TARBP1: variants seen among roughly 807,000 people sequenced by gnomAD.
The protein encoded by TARBP1 is tRNA guanosine 2 -O-methyltransferase TARBP1.
TARBP1 carries 144 observed loss-of-function variants against 178.6 expected under a neutral mutation model. The observed-to-expected ratio is 0.81, with a 90% confidence interval of 0.70 to 0.93. The LOEUF is 0.93. TARBP1 is among the 40% of genes least tolerant of loss of function. TARBP1 has a pLI of 0.00. For synonymous variants in TARBP1, 787 were observed against 781.0 expected, an observed-to-expected ratio of 1.01 and a Z score of -0.13; for missense variants, 2,067 against 2,011.7, an observed-to-expected ratio of 1.03 and a Z score of -0.53.
In TARBP1 at chr1:234,472,830, G is replaced by T. The variant is rs1466561269; in HGVS notation, c.932-19C>A. The stretch of plus-strand genomic sequence containing the variant: ...CTTGGGCCTGATATGGTTTAAAAAA[G>T]AAAATTAGTTCTTCCTTTTGCAAAT... On this transcript the variant is annotated intron_variant, in intron 1 of 29. Transcript: ENST00000040877. 2 of 1,553,232 alleles carry T rather than the reference G, an allele frequency of 1.3e-6. No individual in the cohort carries two copies. Among genetic ancestry groups the T allele is most frequent in the East Asian group, 4.6e-5 (2 of 43,752 alleles).
In TARBP1 at chr1:234,450,442, G is replaced by T; in HGVS notation, c.1847C>A (p.Ser616Ter). 1 of 1,583,918 alleles carries T rather than the reference G, an allele frequency of 6.3e-7. No homozygotes were observed. The highest frequency in any genetic ancestry group is 1.2e-5 in the South Asian group (1 of 84,204). ...TGCAGACTTACTTTCCCAAGCAGAT[G>T]ACTTAACATACTCTTGAACAATGCT... Reference protein sequence around the residue: ...VKSIVQEYVKSSAWETGENCF... With the variant: ...VKSIVQEYVK Residue 616 changes from serine (S) to a stop codon, truncating the protein, a stop_gained, in exon 10 of 30, where the codon TCA becomes TAA. Transcript: ENST00000040877. LOFTEE classifies it high-confidence loss of function.
chr1:234,440,411 T>G (rs755183166), intron 12 of TARBP1, among the ~76,000 whole-genome samples: 1 of 150,954 alleles, frequency 6.6e-6, no homozygotes, highest in African/African-American at 2.4e-5. Context: ...AAGCTGGTTC[T>G]TTGAAAAGGT....
intron 22 of TARBP1, among the ~76,000 whole-genome samples, chr1:234,415,834 C>T (rs1429518084): frequency 6.6e-6 from 1 of 152,150 alleles, no homozygotes; most frequent in East Asian, 1.9e-4. Flanking sequence ...ACTGAGCCTC[C>T]CCTGTTCCTG....
At position 234,460,340 on chromosome 1, in the gene TARBP1, G is replaced by A. The variant is rs961039894; in HGVS notation, c.1456C>T (p.Pro486Ser). Residue 486 changes from proline to serine, a missense_variant, in exon 7 of 30, where the codon CCC becomes TCC. Physicochemically the swap from Pro to Ser is moderately conservative, Grantham distance 74. Coordinates refer to ENST00000040877, the MANE Select transcript of TARBP1 (RefSeq NM_005646.4). ...AAAGCCTTAGATAGAAACAAAATGG[G>A]AACAGCACACCAATGCCTACTTGTC... ...KMTSRHWCAV[P>S]ILFLSKALAN... 1.2e-6 allele frequency: 2 copies of A among 1,614,144 alleles called. No homozygotes were observed. Among genetic ancestry groups the A allele is most frequent in the Admixed American group, 1.7e-5 (1 of 60,014 alleles).
At chr1:234,454,557 C>T (rs370934860) in intron 9 of TARBP1, among the ~76,000 whole-genome samples, 4 of 152,220 alleles carry the variant, frequency 2.6e-5, no homozygotes, top group Non-Finnish European at 4.4e-5. Context: ...TCATTATACT[C>T]TTCTAAGAAT....
At chr1:234,419,362 T>C (rs1411009918) in intron 21 of TARBP1, among the ~76,000 whole-genome samples, 1 of 152,156 alleles carries the variant, frequency 6.6e-6, no homozygotes, top group African/African-American at 2.4e-5. Context: ...AGGCTTGATT[T>C]TGAATTCCAC....
At chr1:234,460,211 T>C in intron 7 of TARBP1, 50 bp downstream of exon 7, 2 of 1,550,340 alleles carry the variant, frequency 1.3e-6, no homozygotes, top group Non-Finnish European at 1.7e-6. Flanking sequence ...TATATATTGA[T>C]GGAAAGTCAT....
Position 234,420,749 on chromosome 1 carries a change from T to G in TARBP1, c.3508A>C (p.Asn1170His), listed in dbSNP as rs753237776. 6.2e-7 allele frequency: 1 copy of G among 1,612,976 alleles called. No individual in the cohort carries two copies. Among genetic ancestry groups the G allele is most frequent in the Non-Finnish European group, 8.5e-7 (1 of 1,179,552 alleles). Reference sequence around the variant, plus strand: ...ACCAGCAGAGTCTGCCACACTCGGTTTTTCACTCTGTGCTGTAGAGAATTC... The same window carrying G: ...ACCAGCAGAGTCTGCCACACTCGGTGTTTCACTCTGTGCTGTAGAGAATTC... ...YVNSLQHRVKNRVWQTLLVLF... is the reference protein window; with the variant it reads ...YVNSLQHRVKHRVWQTLLVLF... The change falls in exon 21 of 30, where the codon AAC becomes CAC. Residue 1170 changes from asparagine to histidine, a missense_variant. Coordinates refer to ENST00000040877, the MANE Select transcript of TARBP1 (RefSeq NM_005646.4).
intron 17 of TARBP1, among the ~76,000 whole-genome samples, chr1:234,428,384 G>A (rs1369361737): frequency 1.3e-5 from 2 of 152,162 alleles, no homozygotes; most frequent in South Asian, 2.1e-4. Flanking sequence ...GACAAATGGC[G>A]CCTGACATTT....
chr1:234,407,442 A>G (rs1661367170), intron 23 of TARBP1: 1 of 149,844 alleles, frequency 6.7e-6, no homozygotes, highest in Non-Finnish European at 1.5e-5. Flanking sequence ...GGTTCAAGTG[A>G]TTCTCCTGCC....
intron 12 of TARBP1, among the ~76,000 whole-genome samples, chr1:234,443,278 G>A (rs890255574): frequency 1.1e-4 from 15 of 140,536 alleles, no homozygotes; most frequent in African/African-American, 3.2e-4. Flanking sequence ...AAACAAGAGC[G>A]AAACTCCGTC....
At position 234,451,748 on chromosome 1, in the gene TARBP1, C is replaced by CAAAAA. The variant is rs766485621; in HGVS notation, c.1723-1187_1723-1183dup. ...TGGGCGACAGAGCGAGACTCCGTCT[C>CAAAAA]AAAAAAAAAAAAAAAAAATGATGAA... On this transcript the variant is annotated intron_variant, in intron 9 of 29. Transcript: ENST00000040877. Among the ~76,000 whole-genome samples the CAAAAA allele has an allele frequency of 4.5e-4, 3 of 6,620 alleles. 1 individual carries two copies. The highest frequency in any genetic ancestry group is 6.6e-4 in the Non-Finnish European group (3 of 4,516). 4.3% of individuals were successfully genotyped at this position (6,620 alleles called of 152,430 possible). A position where few individuals can be genotyped will look rare whatever the true frequency, so the allele number is the denominator to read the frequency against.
Position 234,427,338 on chromosome 1 carries a change from G to T in TARBP1, c.3302C>A (p.Ala1101Glu). 6.2e-7 allele frequency: 1 copy of T among 1,610,324 alleles called. No individual in the cohort carries two copies. Among genetic ancestry groups the T allele is most frequent in the Non-Finnish European group, 8.5e-7 (1 of 1,178,134 alleles). The stretch of plus-strand genomic sequence containing the variant: ...TTACTTTTCCATAACAATATTTGCC[G>T]CACAGTCATGTCCAAGGTTTTCTAT... The part of the protein sequence containing the change: ...TFIENLGHDC[A>E]ANIVMENTKR... The change falls in exon 19 of 30, where the codon GCG (alanine) becomes GAG (glutamate). Residue 1101 changes from alanine to glutamate, a missense_variant. Ala to Glu is a moderately radical substitution (Grantham distance 107). Coordinates refer to ENST00000040877, the MANE Select transcript of TARBP1 (RefSeq NM_005646.4).
intron 23 of TARBP1, among the ~76,000 whole-genome samples, chr1:234,410,054 G>A (rs1023679495): frequency 5.3e-5 from 8 of 152,142 alleles, no homozygotes; most frequent in South Asian, 2.1e-4. Flanking sequence ...TTAATAGTCT[G>A]GCCATAAGTT....
At chr1:234,470,937 G>A (rs1668987743) in intron 3 of TARBP1, among the ~76,000 whole-genome samples, 1 of 152,020 alleles carries the variant, frequency 6.6e-6, no homozygotes, top group African/African-American at 2.4e-5. Flanking sequence ...TCTTAAAGAC[G>A]ATTTAAGGAT....
chr1:234,411,774 T>C (rs1281937897), intron 22 of TARBP1, among the ~76,000 whole-genome samples: 1 of 152,218 alleles, frequency 6.6e-6, no homozygotes, highest in Non-Finnish European at 1.5e-5. Context: ...AATCTGAAAC[T>C]ATTATTATTT....
chr1:234,475,663 G>C (rs1283331634), intron 1 of TARBP1, among the ~76,000 whole-genome samples: 3 of 152,246 alleles, frequency 2.0e-5, no homozygotes, highest in Non-Finnish European at 4.4e-5. Context: ...CTGACGCTCA[G>C]ACACATGGGG....
chr1:234,410,657 G>C (rs182610098), intron 22 of TARBP1, 126 bp from the exon 23 acceptor site: 2 of 598,562 alleles, frequency 3.3e-6, no homozygotes, highest in Admixed American at 3.5e-5. Context: ...GAACAGCCCG[G>C]GGTCTGGGTG....
chr1:234,409,924 CCTAT>C (rs1661628711), intron 23 of TARBP1, among the ~76,000 whole-genome samples: 3 of 152,160 alleles, frequency 2.0e-5, no homozygotes, highest in South Asian at 2.1e-4. Context: ...ATGATTTCTG[CCTAT>C]CTGTGTGAGA....
Sources: gnomAD v4.1 joint callset for allele counts (sites outside exome capture counted in the v4.1 genomes callset) on GRCh38, gnomAD v4.1.1 for gene constraint, MANE v1.5 for transcripts, NCBI Gene and HGNC (gene_info 2026-07-23, HGNC 2026-07-21) for gene names.